The following DNAH12 variants were observed in gnomAD, a reference collection of about 807,000 sequenced individuals.
DNAH12 encodes axonemal beta dynein heavy chain 12.
In DNAH12, 285 loss-of-function variants were observed where a neutral mutation model predicts 371.5. That is an observed-to-expected ratio of 0.77 (90% CI 0.70 to 0.85). The LOEUF is 0.85. Among genes scored for constraint, DNAH12 ranks in the 40% least tolerant of loss-of-function variants. The pLI, the probability that DNAH12 is intolerant of heterozygous loss-of-function variation, is 0.00. For missense variants in DNAH12, 3,611 were observed against 3,689.4 expected, an observed-to-expected ratio of 0.98 and a Z score of 0.55; for synonymous variants, 1,200 against 1,213.0, an observed-to-expected ratio of 0.99 and a Z score of 0.22.
chr3:57,477,888 A>G (rs534421220), intron 13 of DNAH12, among the ~76,000 whole-genome samples: 125 of 152,010 alleles, frequency 8.2e-4, no homozygotes, highest in Non-Finnish European at 1.7e-3. Flanking sequence ...GAAAACTAAC[A>G]AACAGAAAGG....
chr3:57,494,200 C>T (rs1468813798), intron 11 of DNAH12, among the ~76,000 whole-genome samples: 1 of 152,008 alleles, frequency 6.6e-6, no homozygotes. Flanking sequence ...CCATTGCACT[C>T]CAGTCTGGAT....
At chr3:57,375,573 T>C (rs1389098514) in intron 54 of DNAH12, 57 bp from the exon 55 acceptor site, 1 of 152,174 alleles carries the variant, frequency 6.6e-6, no homozygotes, top group Non-Finnish European at 1.5e-5. Context: ...AAATATTTTT[T>C]AAATTAAAAT....
Position 57,302,565 on chromosome 3 carries a change from G to GTTTTTTTTTTTT in DNAH12, c.11190-627_11190-626insAAAAAAAAAAAA, listed in dbSNP as rs1407756841. Among the ~76,000 whole-genome samples the GTTTTTTTTTTTT allele has an allele frequency of 4.2e-4, 12 of 28,846 alleles. 1 individual carries two copies. The highest frequency in any genetic ancestry group is 6.4e-4 in the Admixed American group (1 of 1,562). The allele number at this position is 28,846 out of a possible 152,430, so 18.9% of individuals were successfully genotyped here. ...TATATATATATATATATATATATATGTATTTTTTTTTTTTTTTTTTTTTTT... is the reference window on the plus strand; with the variant it reads ...TATATATATATATATATATATATATGTTTTTTTTTTTTTATTTTTTTTTTTTTTTTTTTTTTT... On this transcript the variant is annotated intron_variant, in intron 69 of 73. Coordinates refer to ENST00000495027, the MANE Select transcript of DNAH12 (RefSeq NM_001366028.2).
intron 11 of DNAH12, among the ~76,000 whole-genome samples, chr3:57,498,774 C>A (rs1185790599): frequency 2.0e-5 from 3 of 151,950 alleles, no homozygotes; most frequent in African/African-American, 7.2e-5. Flanking sequence ...CCGAGGTGGG[C>A]GGATCATGAG....
intron 70 of DNAH12, among the ~76,000 whole-genome samples, chr3:57,300,920 G>C (rs1219925498): frequency 6.6e-6 from 1 of 152,148 alleles, no homozygotes; most frequent in East Asian, 1.9e-4. Context: ...TTTATGCTGG[G>C]GGGAGGGCAG....
At chr3:57,542,626 C>G in intron 2 of DNAH12, 75 bp downstream of exon 2, 1 of 1,464,716 alleles carries the variant, frequency 6.8e-7, no homozygotes, top group Non-Finnish European at 9.0e-7. Context: ...ACAGTTAAAA[C>G]TTTTTAGGAG....
chr3:57,542,340 T>G (rs1174436816), intron 2 of DNAH12, among the ~76,000 whole-genome samples: 1 of 152,192 alleles, frequency 6.6e-6, no homozygotes, highest in Non-Finnish European at 1.5e-5. Flanking sequence ...AATAATGTGG[T>G]GCTTAAAGAA....
intron 60 of DNAH12, among the ~76,000 whole-genome samples, chr3:57,347,725 A>AG (rs1335075861): frequency 1.3e-5 from 2 of 151,756 alleles, no homozygotes. Flanking sequence ...CTGTCTTAAA[A>AG]AAAAAAAAAA....
At chr3:57,438,358 C>T (rs550249855) in intron 29 of DNAH12, among the ~76,000 whole-genome samples, 1 of 143,104 alleles carries the variant, frequency 7.0e-6, no homozygotes, top group South Asian at 2.3e-4. Flanking sequence ...CAAAACAAAA[C>T]ATCTTAGCCT....
chr3:57,447,600 CTTTATT>C (rs1245067031), intron 25 of DNAH12, among the ~76,000 whole-genome samples: 1 of 149,474 alleles, frequency 6.7e-6, no homozygotes, highest in Non-Finnish European at 1.5e-5. Flanking sequence ...AATATTTTTA[CTTTATT>C]TTTACTTTAT....
intron 62 of DNAH12, among the ~76,000 whole-genome samples, chr3:57,324,611 C>T (rs1241032342): frequency 1.3e-5 from 2 of 152,126 alleles, no homozygotes; most frequent in Non-Finnish European, 2.9e-5. Context: ...CGAATAGGAA[C>T]AGCTCCGGTC....
At chr3:57,499,718 AG>A (rs1001436208) in intron 11 of DNAH12, among the ~76,000 whole-genome samples, 1 of 138,058 alleles carries the variant, frequency 7.2e-6, no homozygotes, top group Non-Finnish European at 1.5e-5. Context: ...GTACGCTTCC[AG>A]TCTCAGCTAC....
the DNAH12 span, among the ~76,000 whole-genome samples, chr3:57,552,034 A>G: frequency 6.6e-6 from 1 of 151,348 alleles, no homozygotes; most frequent in South Asian, 2.1e-4. Flanking sequence ...CATGAGGTCA[A>G]GAGATCGAGA....
chr3:57,533,403 G>A (rs2068916382), intron 2 of DNAH12, among the ~76,000 whole-genome samples: 2 of 152,112 alleles, frequency 1.3e-5, no homozygotes, highest in Admixed American at 6.5e-5. Flanking sequence ...TCAAGCAGAT[G>A]GCATCTGTCA....
In DNAH12 at chr3:57,415,577, A is replaced by G. The variant is rs1395435128; in HGVS notation, c.5715-13T>C. 1 of 1,523,338 alleles carries G rather than the reference A, an allele frequency of 6.6e-7. No homozygotes were observed. Among genetic ancestry groups the G allele is most frequent in the Non-Finnish European group, 8.8e-7 (1 of 1,140,230 alleles). The allele number at this position is 1,523,338 out of a possible 1,614,324, so 94.4% of individuals were successfully genotyped here. On this transcript the variant is annotated splice_polypyrimidine_tract_variant and intron_variant, in intron 37 of 73. Transcript: ENST00000495027. ...AAAAAGGAGTGGCCTTAATGAAAACAATGAATATATTATTCAAAATGGAAA... is the reference window on the plus strand; with the variant it reads ...AAAAAGGAGTGGCCTTAATGAAAACGATGAATATATTATTCAAAATGGAAA...
chr3:57,476,698 A>T (rs2153382044), intron 13 of DNAH12, among the ~76,000 whole-genome samples: 1 of 152,354 alleles, frequency 6.6e-6, no homozygotes, highest in South Asian at 2.1e-4. Context: ...ACTTTAGAAC[A>T]TTCCAAATTG....
At chr3:57,365,122 G>A (rs983776334) in intron 57 of DNAH12, among the ~76,000 whole-genome samples, 82 of 152,252 alleles carry the variant, frequency 5.4e-4, no homozygotes, top group Middle Eastern at 6.8e-3. Flanking sequence ...TATACCAAAG[G>A]AATAGAAATC....
rs530468529 is a variant in DNAH12 at position 57,541,400 on chromosome 3, C to T, written c.170+1301G>A. Among the ~76,000 whole-genome samples, 11 of 152,130 alleles carry T rather than the reference C, an allele frequency of 7.2e-5. No individual in the cohort carries two copies. In the South Asian group the frequency reaches 1.2e-3, roughly 17 times the overall value. On this transcript the variant is annotated intron_variant, in intron 2 of 73. Coordinates refer to ENST00000495027, the MANE Select transcript of DNAH12 (RefSeq NM_001366028.2). Reference sequence around the variant, plus strand: ...TTTGAGATAGGGTCTCATGCCATTGCTCATTGCTGGGAGTGCAATGATGCC... The same window carrying T: ...TTTGAGATAGGGTCTCATGCCATTGTTCATTGCTGGGAGTGCAATGATGCC...
At chr3:57,501,542 G>T in intron 10 of DNAH12, 130 bp from the exon 11 acceptor site, 1 of 601,480 alleles carries the variant, frequency 1.7e-6, no homozygotes, top group Non-Finnish European at 2.8e-6. Context: ...TAACATACAT[G>T]ATTTACTATA....
Sources: allele counts gnomAD v4.1 joint callset (sites outside exome capture counted in the v4.1 genomes callset), GRCh38; gene constraint gnomAD v4.1.1; transcripts MANE v1.5; gene names NCBI Gene and HGNC (gene_info 2026-07-23, HGNC 2026-07-21).